UTS2: variants seen among roughly 807,000 people sequenced by gnomAD.
UTS2 encodes urotensin 2.
In UTS2, 10 loss-of-function variants were observed where a neutral mutation model predicts 12.6. The observed-to-expected ratio is 0.80, with a 90% confidence interval of 0.49 to 1.35. The LOEUF (loss-of-function observed/expected upper bound fraction) is 1.35, where lower values mean the gene tolerates loss of function less well. Among genes scored for constraint, UTS2 ranks in the 40% most tolerant of loss-of-function variants. The probability of loss-of-function intolerance (pLI) is 0.00; values close to 1 mark genes in which losing one functional copy is unlikely to be tolerated. For synonymous variants in UTS2, 52 were observed against 50.0 expected, an observed-to-expected ratio of 1.04 and a Z score of -0.17; for missense variants, 142 against 143.2, an observed-to-expected ratio of 0.99 and a Z score of 0.04.
At chr1:7,887,843 T>C in the UTS2 span, among the ~76,000 whole-genome samples, 25 of 152,102 alleles carry the variant, frequency 1.6e-4, no homozygotes, top group Admixed American at 9.8e-4. Context: ...ATAAGTGAAC[T>C]TGGGATATTC....
chr1:7,876,735 CCAA>C, the UTS2 span, among the ~76,000 whole-genome samples: 4 of 147,012 alleles, frequency 2.7e-5, no homozygotes, highest in Non-Finnish European at 4.5e-5. Context: ...CCCTACCCAA[CCAA>C]CACTATAGAC....
At chr1:7,906,359 T>G in the UTS2 span, among the ~76,000 whole-genome samples, 4 of 150,728 alleles carry the variant, frequency 2.7e-5, no homozygotes, top group East Asian at 7.8e-4. Flanking sequence ...CCACAGGAAC[T>G]GGTGAACGTC....
the UTS2 span, among the ~76,000 whole-genome samples, chr1:7,900,146 C>T: frequency 6.6e-6 from 1 of 150,934 alleles, no homozygotes; most frequent in East Asian, 2.1e-4. Context: ...CCTGTAATTC[C>T]AGCACTTTGG....
chr1:7,862,993 G>GTATTGTATTGTATTGTATT, the UTS2 span, among the ~76,000 whole-genome samples: 2 of 19,202 alleles, frequency 1.0e-4, no homozygotes, highest in South Asian at 1.7e-3. Flanking sequence ...GTGTTGTGTT[G>GTATTGTATTGTATTGTATT]TATTGTATTG....
chr1:7,905,338 T>A, the UTS2 span, among the ~76,000 whole-genome samples: 4 of 151,756 alleles, frequency 2.6e-5, no homozygotes, highest in Admixed American at 6.6e-5. Flanking sequence ...AGACACGGGG[T>A]TTCTCCATGT....
chr1:7,900,642 G>A, the UTS2 span, among the ~76,000 whole-genome samples: 11 of 152,166 alleles, frequency 7.2e-5, no homozygotes, highest in African/African-American at 2.6e-4. Context: ...GCCAGGCACA[G>A]TGGTGGCTGG....
the UTS2 span, among the ~76,000 whole-genome samples, chr1:7,912,564 C>T: frequency 7.2e-5 from 11 of 152,306 alleles, no homozygotes; most frequent in African/African-American, 2.4e-4. Context: ...AGTGATTCTT[C>T]TGCCTCAACC....
the UTS2 span, among the ~76,000 whole-genome samples, chr1:7,887,156 G>A: frequency 6.6e-6 from 1 of 151,752 alleles, no homozygotes; most frequent in African/African-American, 2.4e-5. Flanking sequence ...TGGCATGTGG[G>A]GGACATGGAC....
At chr1:7,862,604 G>T in the UTS2 span, among the ~76,000 whole-genome samples, 1 of 152,096 alleles carries the variant, frequency 6.6e-6, no homozygotes, top group Admixed American at 6.5e-5. Flanking sequence ...AGGGGGAGCT[G>T]GTGTTTGCAG....
chr1:7,849,442 C>T (rs1447644713), intron 3 of UTS2, among the ~76,000 whole-genome samples, 198 bp downstream of exon 3: 2 of 152,024 alleles, frequency 1.3e-5, no homozygotes, highest in Non-Finnish European at 2.9e-5. Context: ...AACTTCTGAC[C>T]TCAGGTGGTC....
chr1:7,859,229 A>G, the UTS2 span, among the ~76,000 whole-genome samples: 1 of 152,160 alleles, frequency 6.6e-6, no homozygotes, highest in Non-Finnish European at 1.5e-5. Flanking sequence ...AGGCTCTCAG[A>G]TAGACTTTTA....
chr1:7,885,679 T>A, the UTS2 span, among the ~76,000 whole-genome samples: 1 of 151,188 alleles, frequency 6.6e-6, no homozygotes, highest in South Asian at 2.1e-4. Flanking sequence ...TGAGAGGGCA[T>A]GGCATGGGCC....
At chr1:7,886,498 C>T in the UTS2 span, among the ~76,000 whole-genome samples, 1 of 152,102 alleles carries the variant, frequency 6.6e-6, no homozygotes, top group African/African-American at 2.4e-5. Flanking sequence ...GTACATTTTT[C>T]ATTAAAAGGC....
In UTS2 at chr1:7,852,959, T is replaced by G; in HGVS notation, c.45A>C (p.Leu15Phe). 1 of 1,613,582 alleles carries G rather than the reference T, an allele frequency of 6.2e-7. No homozygotes were observed. Among genetic ancestry groups the G allele is most frequent in the East Asian group, 2.2e-5 (1 of 44,842 alleles). ...ASCCLLFIGF[L>F]NPLLSLPLLD... ...GGAGAGGAAGAGATAAGAGAGGATT[T>G]AAGAATCCTATGAAAAGCAAACAGC... The change falls in exon 1 of 4, where the codon TTA (leucine) becomes TTC (phenylalanine). Residue 15 changes from leucine (L) to phenylalanine (F), a missense_variant. By Grantham distance (22) the Leu-to-Phe change is conservative. Transcript: ENST00000361696.
At chr1:7,891,544 G>GAAAGA in the UTS2 span, among the ~76,000 whole-genome samples, 1 of 123,626 alleles carries the variant, frequency 8.1e-6, no homozygotes, top group Non-Finnish European at 1.8e-5. Context: ...AGAAAAGAAA[G>GAAAGA]AAAGAAAGAA....
the UTS2 span, among the ~76,000 whole-genome samples, chr1:7,907,021 G>C: frequency 3.0e-3 from 455 of 151,008 alleles, 1 homozygote; most frequent in Admixed American, 5.9e-3. Flanking sequence ...GAGACCAAGG[G>C]GGGAGGATCA....
the UTS2 span, among the ~76,000 whole-genome samples, chr1:7,894,835 CG>C: frequency 6.6e-6 from 1 of 151,748 alleles, no homozygotes; most frequent in Non-Finnish European, 1.5e-5. Context: ...AAAAATTAGC[CG>C]GGAGTGGTGG....
At chr1:7,891,037 C>G in the UTS2 span, among the ~76,000 whole-genome samples, 1 of 148,234 alleles carries the variant, frequency 6.7e-6, no homozygotes, top group African/African-American at 2.5e-5. Context: ...AATGGTGGTA[C>G]AGCCATGCAG....
the UTS2 span, among the ~76,000 whole-genome samples, chr1:7,897,526 C>T: frequency 6.6e-6 from 1 of 152,166 alleles, no homozygotes; most frequent in African/African-American, 2.4e-5. Flanking sequence ...GGCTTTCTAT[C>T]CATGAACATA....
Sources: allele counts gnomAD v4.1 joint callset (sites outside exome capture counted in the v4.1 genomes callset), GRCh38; gene constraint gnomAD v4.1.1; transcripts MANE v1.5; gene names NCBI Gene and HGNC (gene_info 2026-07-23, HGNC 2026-07-21).